FAM184B: variants seen among roughly 807,000 people sequenced by gnomAD.
FAM184B encodes family with sequence similarity 184 member B, also known as protein FAM184B.
Under a neutral mutation model 135.9 loss-of-function variants are expected in FAM184B, and 111 were observed. The ratio of observed to expected loss-of-function variants is 0.82; its 90% CI spans 0.70 to 0.96. The LOEUF is 0.96. FAM184B is among the 40% of genes least tolerant of loss of function. The pLI is 0.00. For synonymous variants in FAM184B, 552 were observed against 524.8 expected, an observed-to-expected ratio of 1.05 and a Z score of -0.71; for missense variants, 1,375 against 1,323.9, an observed-to-expected ratio of 1.04 and a Z score of -0.60.
At chr4:17,722,277 G>C (rs571102440) in intron 1 of FAM184B, among the ~76,000 whole-genome samples, 4 of 152,340 alleles carry the variant, frequency 2.6e-5, no homozygotes, top group Middle Eastern at 3.4e-3. Flanking sequence ...TGGGCACCAA[G>C]TCAGAAAAGA....
chr4:17,696,838 A>G (rs73237540), intron 5 of FAM184B, among the ~76,000 whole-genome samples: 1,110 of 57,448 alleles, frequency 0.019, 13 homozygotes, highest in East Asian at 0.068. Flanking sequence ...ATGAATAAAT[A>G]AATAAATAAA....
chr4:17,716,563 C>G (rs1469388108), intron 1 of FAM184B, among the ~76,000 whole-genome samples: 1 of 152,084 alleles, frequency 6.6e-6, no homozygotes, highest in Admixed American at 6.5e-5. Context: ...CCAGGTTGGT[C>G]TCGAACTCCT....
chr4:17,708,911 T>G lies in FAM184B; in HGVS notation c.875A>C (p.Lys292Thr). ...CTTTACCTGAATCCTCTCCTTCAGC[T>G]TCTGGGCGTACTTCTTCAGGTCACT... is the stretch of plus-strand genomic sequence containing the variant. ...KISDLKKYAQ[K>T]LKERIQDLDV... Residue 292 changes from lysine to threonine, a missense_variant, in exon 2 of 18, where the codon AAG becomes ACG. By Grantham distance (78) the Lys-to-Thr change is moderately conservative. Transcript: ENST00000265018. 2.6e-6 allele frequency: 4 copies of G among 1,524,682 alleles called. No homozygotes were observed. Among genetic ancestry groups the G allele is most frequent in the Non-Finnish European group, 3.5e-6 (4 of 1,133,514 alleles). The allele number at this position is 1,524,682 out of a possible 1,614,324, so 94.4% of individuals were successfully genotyped here.
rs114003105 is a variant in FAM184B at position 17,725,445 on chromosome 4, T to G, written c.142-15801A>C. Among the ~76,000 whole-genome samples the G allele has an allele frequency of 2.9e-3, 440 of 152,286 alleles. 4 individuals are homozygous for G. The highest frequency in any genetic ancestry group is 9.8e-3 in the African/African-American group (408 of 41,556). ...CCCAGATACCAATGTCAAAAAGTAA[T>G]AGAAACTACTCTTTCACAGACACAT... On this transcript the variant is annotated intron_variant, in intron 1 of 17. Coordinates refer to ENST00000265018, the MANE Select transcript of FAM184B (RefSeq NM_015688.2).
chr4:17,671,020 C>CCCTT (rs1332357819), intron 7 of FAM184B, among the ~76,000 whole-genome samples: 2 of 152,142 alleles, frequency 1.3e-5, no homozygotes, highest in Non-Finnish European at 2.9e-5. Flanking sequence ...AAGTCCTGAT[C>CCCTT]CCTTTTTTCC....
intron 1 of FAM184B, among the ~76,000 whole-genome samples, chr4:17,761,426 C>G (rs1480675172): frequency 1.3e-5 from 2 of 152,228 alleles, no homozygotes; most frequent in Non-Finnish European, 1.5e-5. Context: ...AAGCTATCCA[C>G]TCTGTGGCAT....
intron 5 of FAM184B, among the ~76,000 whole-genome samples, chr4:17,699,388 C>A (rs1403871193): frequency 3.9e-5 from 6 of 151,982 alleles, no homozygotes; most frequent in Admixed American, 3.3e-4. Flanking sequence ...CAAAGAAAAT[C>A]ACATCATGGC....
intron 1 of FAM184B, among the ~76,000 whole-genome samples, chr4:17,744,490 C>CACACCA (rs1553841920): frequency 1.9e-4 from 26 of 137,480 alleles, no homozygotes; most frequent in South Asian, 7.0e-4. Flanking sequence ...CACACACACA[C>CACACCA]CACACACACA....
chr4:17,679,344 C>A (rs1716385764), intron 7 of FAM184B, among the ~76,000 whole-genome samples: 1 of 152,008 alleles, frequency 6.6e-6, no homozygotes, highest in Non-Finnish European at 1.5e-5. Flanking sequence ...ACAATCCCAT[C>A]AAAAAGTGGG....
chr4:17,658,390 G>A lies in FAM184B; in HGVS notation c.1997C>T (p.Ala666Val). 1.3e-6 allele frequency: 2 copies of A among 1,551,644 alleles called. No homozygotes were observed. Among genetic ancestry groups the A allele is most frequent in the Non-Finnish European group, 8.7e-7 (1 of 1,147,000 alleles). The part of the protein sequence containing the change: ...KAQLEASHQR[A>V]LRMLEKARHQ... ...TCTGGCCTTCTCCAGCATGCGCAGG[G>A]CTCTCTGGTGGGAAGCCTCGAGCTG... Residue 666 changes from alanine (A) to valine (V), a missense_variant, in exon 10 of 18, where the codon GCC becomes GTC. By Grantham distance (64) the Ala-to-Val change is moderately conservative. Transcript: ENST00000265018.
At chr4:17,658,264 C>T (rs1715825102) in intron 10 of FAM184B, 86 bp downstream of exon 10, 4 of 1,156,754 alleles carry the variant, frequency 3.5e-6, no homozygotes. Context: ...GATTGGATGT[C>T]ATGTAGAAAA....
rs563454368 is a variant in FAM184B at position 17,706,668 on chromosome 4, A to G, written c.1031-777T>C. ...CTCATTTCTTCATCTGTAACATGAA[A>G]GATTGGCAATACTTTTTGGGCTGGG... On this transcript the variant is annotated intron_variant, in intron 3 of 17. Coordinates refer to ENST00000265018, the MANE Select transcript of FAM184B (RefSeq NM_015688.2). 3.3e-5 allele frequency among the ~76,000 whole-genome samples: 5 copies of G among 152,344 alleles called. No homozygotes were observed. In the East Asian group the frequency reaches 9.7e-4, roughly 30 times the overall value.
At chr4:17,703,506 A>AC (rs1717034696) in intron 5 of FAM184B, among the ~76,000 whole-genome samples, 1 of 151,646 alleles carries the variant, frequency 6.6e-6, no homozygotes, top group Admixed American at 6.6e-5. Flanking sequence ...TCAAAAAAAA[A>AC]CAAAAAAAGA....
chr4:17,646,270 A>T (rs1418944282), intron 12 of FAM184B, among the ~76,000 whole-genome samples: 1 of 151,654 alleles, frequency 6.6e-6, no homozygotes, highest in Non-Finnish European at 1.5e-5. Context: ...CTATAAAGAC[A>T]CATGCACACG....
chr4:17,638,398 G>C (rs1187562786), intron 14 of FAM184B, among the ~76,000 whole-genome samples: 1 of 151,016 alleles, frequency 6.6e-6, no homozygotes, highest in Non-Finnish European at 1.5e-5. Flanking sequence ...TCACAATGTT[G>C]CCCAGGCTGG....
At position 17,675,849 on chromosome 4, in the gene FAM184B, A is replaced by G. The variant is rs118039960; in HGVS notation, c.1597-11190T>C. 1.9e-3 allele frequency among the ~76,000 whole-genome samples: 292 copies of G among 152,266 alleles called. 3 individuals carry two copies. The highest frequency in any genetic ancestry group is 0.019 in the East Asian group (99 of 5,178). On this transcript the variant is annotated intron_variant, in intron 7 of 17. Coordinates refer to ENST00000265018, the MANE Select transcript of FAM184B (RefSeq NM_015688.2). ...CCTTGACTCTCTCTGGCTTCATAGAATTGAAGAGAATTAGGGCCTGGCTCT... is the reference window on the plus strand; with the variant it reads ...CCTTGACTCTCTCTGGCTTCATAGAGTTGAAGAGAATTAGGGCCTGGCTCT...
chr4:17,754,288 G>A (rs572256189), intron 1 of FAM184B, among the ~76,000 whole-genome samples: 23 of 152,024 alleles, frequency 1.5e-4, no homozygotes, highest in South Asian at 4.1e-4. Flanking sequence ...ACAGTGACCC[G>A]CGCCTGTAAT....
At chr4:17,774,992 CTTTTTTT>C (rs71167338) in intron 1 of FAM184B, among the ~76,000 whole-genome samples, 136 of 81,754 alleles carry the variant, frequency 1.7e-3, no homozygotes, top group African/African-American at 6.4e-3. Context: ...TTTTCCTTTT[CTTTTTTT>C]TTTTTTTTTT....
chr4:17,725,158 C>T (rs781670222), intron 1 of FAM184B, among the ~76,000 whole-genome samples: 1 of 152,134 alleles, frequency 6.6e-6, no homozygotes, highest in Non-Finnish European at 1.5e-5. Context: ...GGCAGGTCCT[C>T]AGGGACAGGA....
Sources: allele counts gnomAD v4.1 joint callset (sites outside exome capture counted in the v4.1 genomes callset), GRCh38; gene constraint gnomAD v4.1.1; transcripts MANE v1.5; gene names NCBI Gene and HGNC (gene_info 2026-07-23, HGNC 2026-07-21).